Variants in AKAP9 observed in about 807,000 individuals in gnomAD.
AKAP9 encodes A-kinase anchor protein 9.
A neutral mutation model predicts 488.5 loss-of-function variants in AKAP9; 311 were observed. The ratio of observed to expected loss-of-function variants is 0.64; its 90% CI spans 0.58 to 0.70. The LOEUF (loss-of-function observed/expected upper bound fraction) is 0.70, where lower values mean the gene tolerates loss of function less well. Ranked by LOEUF, AKAP9 falls within the 30% of genes least tolerant of loss-of-function variation. The probability of loss-of-function intolerance (pLI) is 0.00; values close to 1 mark genes in which losing one functional copy is unlikely to be tolerated. For missense variants in AKAP9, 4,215 were observed against 4,374.5 expected, an observed-to-expected ratio of 0.96 and a Z score of 1.03; for synonymous variants, 1,462 against 1,483.5, an observed-to-expected ratio of 0.99 and a Z score of 0.33.
At chr7:92,038,818 A>G (rs777926544) in intron 17 of AKAP9, 46 bp downstream of exon 17, 4 of 1,337,756 alleles carry the variant, frequency 3.0e-6, no homozygotes, top group Non-Finnish European at 4.2e-6. Flanking sequence ...AAAAATTGTG[A>G]ATTCTTTCAC....
intron 2 of AKAP9, 22 bp from the exon 3 acceptor site, chr7:91,980,267 T>G: frequency 6.6e-7 from 1 of 1,519,566 alleles, no homozygotes; most frequent in Non-Finnish European, 9.1e-7. Context: ...ATAATTATAT[T>G]TGGTTTTTAT....
intron 7 of AKAP9, among the ~76,000 whole-genome samples, chr7:91,998,560 G>A (rs1191427306): frequency 4.0e-5 from 6 of 149,488 alleles, no homozygotes; most frequent in African/African-American, 1.5e-4. Flanking sequence ...AAGAATTATT[G>A]TTGGTTGTTA....
chr7:92,001,282 A>G lies in AKAP9; in HGVS notation c.1365A>G (p.Gln455=), dbSNP rs902008678. Residue 455 remains glutamine (Q), a synonymous_variant, in exon 8 of 50, where the codon CAA becomes CAG. Coordinates refer to ENST00000356239, the MANE Select transcript of AKAP9 (RefSeq NM_005751.5). ...AAATGAAACAAGAATTAATAAGACA[A>G]CACATGGCACAGATGGAGGAAATGA... is the stretch of plus-strand genomic sequence containing the variant. ...IVQMKQELIR[Q]HMAQMEEMKT... 3 of 1,613,898 alleles carry G rather than the reference A, an allele frequency of 1.9e-6. No individual in the cohort carries two copies. The African/African-American group carries it at 4.0e-5, about 22-fold the overall frequency.
chr7:92,036,313 A>T (rs57969083), intron 16 of AKAP9, among the ~76,000 whole-genome samples: 67,535 of 150,062 alleles, frequency 0.45, 16,121 homozygotes, highest in African/African-American at 0.63. Context: ...CTTTTTTTTT[A>T]ATTTTTTTTA....
chr7:92,066,606 T>A lies in AKAP9; in HGVS notation c.6330+60T>A, dbSNP rs1327233130. 35 of 1,590,792 alleles carry A rather than the reference T, an allele frequency of 2.2e-5. 1 individual carries two copies. The highest frequency in any genetic ancestry group is 7.8e-6 in the Non-Finnish European group (9 of 1,160,520). ...AATTTGTATCAAGTGTAAAATAAGA[T>A]GCATATCATTAAAAACTTAAAAGTG... On this transcript the variant is annotated intron_variant, in intron 26 of 49. Transcript: ENST00000356239.
Position 92,110,478 on chromosome 7 carries a change from T to C in AKAP9, c.*319T>C. 2.7e-6 allele frequency: 1 copy of C among 374,556 alleles called. No individual in the cohort carries two copies. The highest frequency in any genetic ancestry group is 4.9e-6 in the Non-Finnish European group (1 of 203,388). The allele number at this position is 374,556 out of a possible 1,614,324, so 23.2% of individuals were successfully genotyped here. A position where few individuals can be genotyped will look rare whatever the true frequency, so the allele number is the denominator to read the frequency against. Reference sequence around the variant, plus strand: ...TTTTACGCATTACAATACTGCTGAATGTGTAGCTCGAGGTGTCCTGCACTT... The same window carrying C: ...TTTTACGCATTACAATACTGCTGAACGTGTAGCTCGAGGTGTCCTGCACTT... On this transcript the variant is annotated 3_prime_UTR_variant, in exon 50 of 50. Coordinates refer to ENST00000356239, the MANE Select transcript of AKAP9 (RefSeq NM_005751.5).
chr7:91,966,044 CA>C (rs1794409390), intron 1 of AKAP9, among the ~76,000 whole-genome samples: 1 of 152,078 alleles, frequency 6.6e-6, no homozygotes, highest in African/African-American at 2.4e-5. Flanking sequence ...GCTTTAAAAA[CA>C]TTTTTTAAAT....
chr7:92,016,895 T>TA lies in AKAP9; in HGVS notation c.3752-121dup, dbSNP rs1269954949. On this transcript the variant is annotated intron_variant, in intron 11 of 49. Transcript: ENST00000356239. The stretch of plus-strand genomic sequence containing the variant: ...GAGATTTCAATTTTCAGTTACTAAA[T>TA]ATCTGAGGTTTACTTCTAGCAGGCA... 3 of 698,836 alleles carry TA rather than the reference T, an allele frequency of 4.3e-6. No individual in the cohort carries two copies. In the African/African-American group the frequency reaches 5.3e-5, roughly 12 times the overall value. 43.3% of individuals were successfully genotyped at this position (698,836 alleles called of 1,614,324 possible). A position where few individuals can be genotyped will look rare whatever the true frequency, so the allele number is the denominator to read the frequency against.
intron 17 of AKAP9, 50 bp downstream of exon 17, chr7:92,038,822 C>CGGCCGGGCGCGG: frequency 7.7e-7 from 1 of 1,300,678 alleles, no homozygotes. Flanking sequence ...ATTGTGAATT[C>CGGCCGGGCGCGG]TTTCACTTTA....
intron 3 of AKAP9, among the ~76,000 whole-genome samples, chr7:91,988,766 G>A (rs1446357492): frequency 1.3e-5 from 2 of 151,886 alleles, no homozygotes; most frequent in Non-Finnish European, 2.9e-5. Context: ...TATGAACCTG[G>A]GCACATCACT....
At chr7:92,033,639 T>C (rs996641558) in intron 16 of AKAP9, among the ~76,000 whole-genome samples, 2 of 152,052 alleles carry the variant, frequency 1.3e-5, no homozygotes, top group Non-Finnish European at 2.9e-5. Context: ...GGTTTTGCCA[T>C]GTTGGCCAGG....
At chr7:91,971,876 ATTTC>A (rs1476913544) in intron 1 of AKAP9, among the ~76,000 whole-genome samples, 3 of 146,704 alleles carry the variant, frequency 2.0e-5, no homozygotes, top group Non-Finnish European at 3.0e-5. Context: ...GCCTACATCT[ATTTC>A]TTAAAGTGAA....
chr7:92,013,350 C>T (rs930350110), intron 9 of AKAP9, among the ~76,000 whole-genome samples: 4 of 151,982 alleles, frequency 2.6e-5, no homozygotes, highest in African/African-American at 4.8e-5. Context: ...AGGGTACACC[C>T]ATTTTGGAAA....
Position 92,042,073 on chromosome 7 carries a change from G to A in AKAP9, c.4945G>A (p.Val1649Ile), listed in dbSNP as rs756966573. ...QRSSIDNENL[V>I]SERERVLLEE... ...ATCCTCCATAGATAATGAAAACCTG[G>A]TTTCAGAGAGAGAGAGGGTGCTTTT... Residue 1649 changes from valine (V) to isoleucine (I), a missense_variant, in exon 19 of 50, where the codon GTT (valine) becomes ATT (isoleucine). Physicochemically the swap from Val to Ile is conservative, Grantham distance 29. Transcript: ENST00000356239. The A allele has an allele frequency of 1.4e-5, 22 of 1,613,774 alleles. No homozygotes were observed. Among genetic ancestry groups the A allele is most frequent in the Non-Finnish European group, 1.8e-5 (21 of 1,179,868 alleles).
intron 14 of AKAP9, among the ~76,000 whole-genome samples, chr7:92,027,486 T>C: frequency 8.4e-6 from 1 of 119,508 alleles, no homozygotes; most frequent in South Asian, 2.7e-4. Context: ...GTCTGGGAGG[T>C]GAGGAGCCCC....
At chr7:92,081,700 G>C (rs1266577771) in intron 31 of AKAP9, among the ~76,000 whole-genome samples, 1 of 151,700 alleles carries the variant, frequency 6.6e-6, no homozygotes, top group African/African-American at 2.4e-5. Context: ...GTTGACCTCT[G>C]TAAGTTTACT....
intron 28 of AKAP9, among the ~76,000 whole-genome samples, chr7:92,075,640 G>C (rs1271346527): frequency 6.6e-6 from 1 of 152,214 alleles, no homozygotes; most frequent in Non-Finnish European, 1.5e-5. Context: ...ACTCCTCTCT[G>C]TGACGTCCAT....
chr7:92,012,433 A>G lies in AKAP9; in HGVS notation c.3323A>G (p.Asp1108Gly). The change falls in exon 9 of 50, where the codon GAT (aspartate) becomes GGT (glycine). Residue 1108 changes from aspartate (D) to glycine (G), a missense_variant. Physicochemically the swap from Asp to Gly is moderately conservative, Grantham distance 94. Coordinates refer to ENST00000356239, the MANE Select transcript of AKAP9 (RefSeq NM_005751.5). ...TTTACATATGTTTACTTTAAGAATG[A>G]TTTAAGGCTACAGATGGAAGCCCAA... ...ELNVLKSEQNDLRLQMEAQRI... is the reference protein window; with the variant it reads ...ELNVLKSEQNGLRLQMEAQRI... The G allele has an allele frequency of 6.2e-7, 1 of 1,612,748 alleles. No homozygotes were observed. Among genetic ancestry groups the G allele is most frequent in the Non-Finnish European group, 8.5e-7 (1 of 1,178,810 alleles).
At chr7:92,005,208 C>T (rs1252884214) in intron 8 of AKAP9, among the ~76,000 whole-genome samples, 1 of 152,136 alleles carries the variant, frequency 6.6e-6, no homozygotes, top group Non-Finnish European at 1.5e-5. Context: ...TGTGCTGCTG[C>T]ATTTGGTTTG....
Sources: allele counts gnomAD v4.1 joint callset (sites outside exome capture counted in the v4.1 genomes callset), GRCh38; gene constraint gnomAD v4.1.1; transcripts MANE v1.5; gene names NCBI Gene and HGNC (gene_info 2026-07-23, HGNC 2026-07-21).